The following DLC1 variants were observed in gnomAD, a reference collection of about 807,000 sequenced individuals.
DLC1 encodes rho GTPase-activating protein 7.
Under a neutral mutation model 140.3 loss-of-function variants are expected in DLC1, and 54 were observed. That is an observed-to-expected ratio of 0.38 (90% CI 0.31 to 0.48). The LOEUF (loss-of-function observed/expected upper bound fraction) is 0.48. DLC1 is among the 20% of genes least tolerant of loss of function. The probability of loss-of-function intolerance (pLI) is 0.96; values close to 1 mark genes in which losing one functional copy is unlikely to be tolerated. For synonymous variants in DLC1, 986 were observed against 728.1 expected (o/e 1.35, Z -5.70); for missense variants, 2,536 against 1,907.0 (o/e 1.33, Z -6.14).
At chr8:13,290,424 C>T (rs1831712876) in intron 5 of DLC1, among the ~76,000 whole-genome samples, 1 of 152,172 alleles carries the variant, frequency 6.6e-6, no homozygotes, top group African/African-American at 2.4e-5. Context: ...TTATGGGGCA[C>T]ACTTTAGCAA....
rs543387751 is a variant in DLC1 at position 13,345,712 on chromosome 8, C to T, written c.1315-40410G>A. On this transcript the variant is annotated intron_variant, in intron 4 of 17. Coordinates refer to ENST00000276297, the MANE Select transcript of DLC1 (RefSeq NM_182643.3). ...AGCTGGGATTACAGGCACCTGCCAC[C>T]ACGCCTGGCTCATTTTTTATGTTTT... Among the ~76,000 whole-genome samples the T allele has an allele frequency of 3.9e-4, 60 of 151,952 alleles. 1 individual carries two copies. The Middle Eastern group carries it at 0.024, about 60-fold the overall frequency.
At chr8:13,416,366 T>C (rs1221539262) in intron 2 of DLC1, among the ~76,000 whole-genome samples, 2 of 152,228 alleles carry the variant, frequency 1.3e-5, no homozygotes, top group African/African-American at 4.8e-5. Flanking sequence ...ATGAATACCA[T>C]GTGATGTGAT....
intron 5 of DLC1, among the ~76,000 whole-genome samples, chr8:13,231,707 C>G (rs575494530): frequency 1.3e-5 from 2 of 152,296 alleles, no homozygotes; most frequent in Admixed American, 6.5e-5. Flanking sequence ...AGATATTTGT[C>G]TAAAGTCACA....
intron 2 of DLC1, among the ~76,000 whole-genome samples, chr8:13,454,663 T>C (rs1563361991): frequency 6.6e-6 from 1 of 152,166 alleles, no homozygotes. Flanking sequence ...CAAGTGATCA[T>C]CCTGCCTCAG....
chr8:13,332,534 G>A (rs1030577435), intron 4 of DLC1, among the ~76,000 whole-genome samples: 3 of 151,582 alleles, frequency 2.0e-5, no homozygotes, highest in Middle Eastern at 3.2e-3. Flanking sequence ...GGGTTCAAGC[G>A]ATTCTCCTGC....
intron 4 of DLC1, among the ~76,000 whole-genome samples, chr8:13,374,724 G>C (rs1835889027): frequency 6.6e-6 from 1 of 152,216 alleles, no homozygotes; most frequent in South Asian, 2.1e-4. Flanking sequence ...GAAGCTTGCA[G>C]TGAATCAAGG....
intron 4 of DLC1, among the ~76,000 whole-genome samples, chr8:13,352,704 A>T (rs899846459): frequency 6.6e-6 from 1 of 152,310 alleles, no homozygotes; most frequent in East Asian, 1.9e-4. Flanking sequence ...TATAAAAATA[A>T]TAGATTAACT....
intron 5 of DLC1, among the ~76,000 whole-genome samples, chr8:13,253,120 T>C (rs1339920354): frequency 3.3e-5 from 5 of 152,192 alleles, no homozygotes; most frequent in Non-Finnish European, 7.3e-5. Context: ...TGGACTGGTG[T>C]AAGAACTAAA....
intron 5 of DLC1, among the ~76,000 whole-genome samples, chr8:13,303,104 T>C (rs952851954): frequency 2.0e-5 from 3 of 152,238 alleles, no homozygotes; most frequent in Non-Finnish European, 2.9e-5. Context: ...CTTTATTTCT[T>C]AAATGATCAA....
At chr8:13,550,375 C>T (rs1195045413) in intron 1 of DLC1, among the ~76,000 whole-genome samples, 1 of 152,112 alleles carries the variant, frequency 6.6e-6, no homozygotes, top group African/African-American at 2.4e-5. Flanking sequence ...CCATGAGGAA[C>T]TGTAAGTCAA....
At chr8:13,482,235 CATTA>C (rs1411854100) in intron 2 of DLC1, among the ~76,000 whole-genome samples, 1 of 152,078 alleles carries the variant, frequency 6.6e-6, no homozygotes, top group Non-Finnish European at 1.5e-5. Context: ...GAAGTAATAT[CATTA>C]ATTAATATGT....
At chr8:13,179,238 C>T (rs1004741226) in intron 5 of DLC1, among the ~76,000 whole-genome samples, 1 of 151,590 alleles carries the variant, frequency 6.6e-6, no homozygotes. Context: ...AAATCAGGAG[C>T]CTTGGTGGGA....
At chr8:13,459,422 G>A (rs1337516246) in intron 2 of DLC1, among the ~76,000 whole-genome samples, 1 of 152,172 alleles carries the variant, frequency 6.6e-6, no homozygotes, top group Non-Finnish European at 1.5e-5. Flanking sequence ...CAATAAATAA[G>A]TTGTGAAAGA....
chr8:13,373,405 C>T (rs1205778941), intron 4 of DLC1, among the ~76,000 whole-genome samples: 2 of 152,106 alleles, frequency 1.3e-5, no homozygotes, highest in Admixed American at 6.6e-5. Flanking sequence ...ATCTTATTCT[C>T]GGATGTACAG....
intron 4 of DLC1, among the ~76,000 whole-genome samples, chr8:13,352,655 C>G (rs888396289): frequency 6.6e-6 from 1 of 152,122 alleles, no homozygotes; most frequent in African/African-American, 2.4e-5. Context: ...ACTGGGACTA[C>G]AGAGGGGGCT....
intron 10 of DLC1, among the ~76,000 whole-genome samples, chr8:13,098,147 C>T (rs761934826): frequency 3.2e-4 from 48 of 151,794 alleles, no homozygotes; most frequent in Non-Finnish European, 5.7e-4. Context: ...ATCGCTAGAG[C>T]CCAGAAGGTC....
At chr8:13,406,198 T>TCC (rs1554514503) in intron 2 of DLC1, among the ~76,000 whole-genome samples, 9 of 142,576 alleles carry the variant, frequency 6.3e-5, no homozygotes, top group African/African-American at 2.1e-4. Flanking sequence ...TTTTTTTTTT[T>TCC]CAGTGGAGAC....
intron 4 of DLC1, among the ~76,000 whole-genome samples, chr8:13,355,356 T>C (rs1045000982): frequency 2.0e-5 from 3 of 152,168 alleles, no homozygotes; most frequent in Admixed American, 2.0e-4. Context: ...GGCATGGTGA[T>C]GTGCGCCTGT....
At chr8:13,259,132 G>A (rs1357775014) in intron 5 of DLC1, among the ~76,000 whole-genome samples, 6 of 97,496 alleles carry the variant, frequency 6.2e-5, no homozygotes, top group South Asian at 8.4e-4. Context: ...GTGAAACTCC[G>A]TCTCAAGAAA....
Sources: allele counts gnomAD v4.1 joint callset (sites outside exome capture counted in the v4.1 genomes callset), GRCh38; gene constraint gnomAD v4.1.1; transcripts MANE v1.5; gene names NCBI Gene and HGNC (gene_info 2026-07-23, HGNC 2026-07-21).